MALRD1: variants seen among roughly 807,000 people sequenced by gnomAD.
MALRD1 encodes MAM and LDL receptor class A domain containing 1, also known as MAM and LDL-receptor class A domain-containing protein 1.
A neutral mutation model predicts 242.1 loss-of-function variants in MALRD1; 247 were observed. The ratio of observed to expected loss-of-function variants is 1.02; its 90% CI spans 0.92 to 1.13. The LOEUF is 1.13. Among genes scored for constraint, MALRD1 ranks in the 50% most tolerant of loss-of-function variants. The probability of loss-of-function intolerance (pLI) is 0.00; values close to 1 mark genes in which losing one functional copy is unlikely to be tolerated. For missense variants in MALRD1, 2,989 were observed against 2,533.1 expected (o/e 1.18, Z -3.86); for synonymous variants, 995 against 866.6 (o/e 1.15, Z -2.60).
At chr10:19,283,258 C>G in intron 21 of MALRD1, 77 bp downstream of exon 21, 6 of 1,230,470 alleles carry the variant, frequency 4.9e-6, no homozygotes, top group Non-Finnish European at 6.4e-6. Flanking sequence ...CCCCCACCAC[C>G]TTATCCTAGG....
intron 36 of MALRD1, among the ~76,000 whole-genome samples, chr10:19,627,092 A>G (rs1564495669): frequency 6.6e-6 from 1 of 152,148 alleles, no homozygotes; most frequent in Non-Finnish European, 1.5e-5. Context: ...TTTTCAAGTT[A>G]ATGAGAATGG....
chr10:19,667,827 G>A (rs937311649), intron 36 of MALRD1, among the ~76,000 whole-genome samples: 1 of 152,028 alleles, frequency 6.6e-6, no homozygotes, highest in African/African-American at 2.4e-5. Flanking sequence ...TGTAATGATG[G>A]CCTGATACAC....
Position 19,280,074 on chromosome 10 carries a change from C to G in MALRD1, c.3107C>G (p.Pro1036Arg), listed in dbSNP as rs1314256876. 12 of 1,520,284 alleles carry G rather than the reference C, an allele frequency of 7.9e-6. No homozygotes were observed. In the Admixed American group the frequency reaches 2.8e-4, roughly 35 times the overall value. The allele number at this position is 1,520,284 out of a possible 1,614,324, so 94.2% of individuals were successfully genotyped here. A position where few individuals can be genotyped will look rare whatever the true frequency, so the allele number is the denominator to read the frequency against. ...AATTTGCCAGCAGACCTCCCAACTC[C>G]ACCAGAAACGTCAGTTCCTGTAACA... ...PGNLPADLPT[P>R]PETSVPVTLP... The change falls in exon 20 of 40, where the codon CCA becomes CGA. Residue 1036 changes from proline (P) to arginine (R), a missense_variant. Pro to Arg is a moderately radical substitution (Grantham distance 103, BLOSUM62 -2). Transcript: ENST00000454679.
At chr10:19,384,413 A>T (rs1368723602) in intron 26 of MALRD1, among the ~76,000 whole-genome samples, 1 of 70,646 alleles carries the variant, frequency 1.4e-5, no homozygotes, top group African/African-American at 5.7e-5. Flanking sequence ...TAGTATATAT[A>T]ATATAATATT....
At chr10:19,431,735 A>G (rs1279567662) in intron 28 of MALRD1, among the ~76,000 whole-genome samples, 1 of 152,066 alleles carries the variant, frequency 6.6e-6, no homozygotes, top group Admixed American at 6.6e-5. Flanking sequence ...CTCTCTCATT[A>G]TTCCCCACCC....
intron 23 of MALRD1, 33 bp from the exon 24 acceptor site, chr10:19,331,336 G>A: frequency 6.6e-7 from 1 of 1,510,792 alleles, no homozygotes. Context: ...CTTCTTGATT[G>A]ACAGTTTAAC....
chr10:19,573,446 C>T (rs563920379), intron 33 of MALRD1, among the ~76,000 whole-genome samples: 66 of 152,270 alleles, frequency 4.3e-4, no homozygotes, highest in African/African-American at 1.5e-3. Context: ...CATGGAAGCC[C>T]AGTGGAGCAG....
chr10:19,390,407 G>A (rs1330588275), intron 28 of MALRD1, among the ~76,000 whole-genome samples: 1 of 152,142 alleles, frequency 6.6e-6, no homozygotes, highest in African/African-American at 2.4e-5. Flanking sequence ...ACACAGTAAT[G>A]CATTTTCTTA....
At chr10:19,368,825 G>A (rs1411719800) in intron 26 of MALRD1, among the ~76,000 whole-genome samples, 4 of 148,976 alleles carry the variant, frequency 2.7e-5, no homozygotes, top group South Asian at 4.2e-4. Context: ...ACTTCAATTC[G>A]CTTTTTCCTG....
intron 32 of MALRD1, among the ~76,000 whole-genome samples, chr10:19,563,909 G>C (rs10827575): frequency 0.36 from 54,585 of 151,938 alleles, 11,070 homozygotes; most frequent in Non-Finnish European, 0.46. Context: ...CACAAAATCT[G>C]GTTGTTGTAA....
At chr10:19,129,487 T>G (rs1837385403) in intron 8 of MALRD1, among the ~76,000 whole-genome samples, 1 of 151,946 alleles carries the variant, frequency 6.6e-6, no homozygotes, top group African/African-American at 2.4e-5. Flanking sequence ...AACCTGTACT[T>G]CAGGAATTTG....
intron 5 of MALRD1, among the ~76,000 whole-genome samples, chr10:19,121,043 CT>C (rs71387043): frequency 9.2e-4 from 98 of 106,590 alleles, no homozygotes; most frequent in Middle Eastern, 6.3e-3. Flanking sequence ...TGTGCCCGGC[CT>C]TTTTTTTTTT....
At chr10:19,149,329 G>C (rs1436511444) in intron 11 of MALRD1, among the ~76,000 whole-genome samples, 1 of 151,996 alleles carries the variant, frequency 6.6e-6, no homozygotes. Context: ...TCACCGTGTT[G>C]ACCAGGCTGG....
chr10:19,687,063 G>C (rs1243159821), intron 36 of MALRD1, among the ~76,000 whole-genome samples: 2 of 150,282 alleles, frequency 1.3e-5, no homozygotes, highest in Non-Finnish European at 3.0e-5. Flanking sequence ...TTAATTTTAT[G>C]AGTAAAACTG....
intron 28 of MALRD1, among the ~76,000 whole-genome samples, chr10:19,399,577 T>C (rs1262663768): frequency 6.6e-6 from 1 of 152,150 alleles, no homozygotes; most frequent in Non-Finnish European, 1.5e-5. Context: ...AATTACAGAT[T>C]ACAGAGTTGG....
chr10:19,174,175 T>C (rs952084470), intron 13 of MALRD1, among the ~76,000 whole-genome samples: 6 of 152,160 alleles, frequency 3.9e-5, no homozygotes, highest in Non-Finnish European at 8.8e-5. Flanking sequence ...TGGGCCTCTC[T>C]GTGTAGTGTT....
intron 12 of MALRD1, among the ~76,000 whole-genome samples, chr10:19,164,274 T>G (rs1203972862): frequency 6.6e-6 from 1 of 152,026 alleles, no homozygotes; most frequent in Non-Finnish European, 1.5e-5. Context: ...AATGAACAAT[T>G]TTTTTAAAAA....
chr10:19,606,023 T>A (rs1009949051), intron 34 of MALRD1, among the ~76,000 whole-genome samples: 1 of 152,136 alleles, frequency 6.6e-6, no homozygotes, highest in African/African-American at 2.4e-5. Context: ...GCGTTTTCAG[T>A]CAATGGAGAT....
In MALRD1 at chr10:19,124,946, T is replaced by TTTG. The variant is rs1837202577; in HGVS notation, c.943+278_943+279insGTT. ...AAAGTATTAAAAGGCTTTTTTTTTT[T>TTTG]TTTTTTTTTTTTTTTTTGAGACAGA... is the stretch of plus-strand genomic sequence containing the variant. On this transcript the variant is annotated intron_variant, in intron 7 of 39. Transcript: ENST00000454679. Among the ~76,000 whole-genome samples, 2 of 121,600 alleles carry TTTG rather than the reference T, an allele frequency of 1.6e-5. 1 individual carries two copies. Among genetic ancestry groups the TTTG allele is most frequent in the Non-Finnish European group, 3.5e-5 (2 of 57,766 alleles). The allele number at this position is 121,600 out of a possible 152,430, so 79.8% of individuals were successfully genotyped here.
Sources: allele counts gnomAD v4.1 joint callset (sites outside exome capture counted in the v4.1 genomes callset), GRCh38; gene constraint gnomAD v4.1.1; transcripts MANE v1.5; gene names NCBI Gene and HGNC (gene_info 2026-07-23, HGNC 2026-07-21).